Variants in SOX5 observed in about 807,000 individuals in gnomAD.
SOX5 encodes transcription factor SOX-5.
In SOX5, 9 loss-of-function variants were observed where a neutral mutation model predicts 92.0. The observed-to-expected ratio is 0.10, with a 90% CI of 0.06 to 0.17. The LOEUF (loss-of-function observed/expected upper bound fraction) is 0.17. SOX5 is among the 10% of genes least tolerant of loss of function. The pLI, the probability that SOX5 is intolerant of heterozygous loss-of-function variation, is 1.00. For synonymous variants in SOX5, 344 were observed against 336.3 expected (o/e 1.02, Z -0.25); for missense variants, 642 against 944.5 (o/e 0.68, Z 4.20).
At chr12:23,976,424 A>AC (rs1209017820) in intron 4 of SOX5, among the ~76,000 whole-genome samples, 4 of 147,904 alleles carry the variant, frequency 2.7e-5, no homozygotes, top group Non-Finnish European at 6.0e-5. Context: ...AAAAAAAAAA[A>AC]GAAGAGAAGG....
At chr12:24,236,232 AAT>A (rs940265206) in intron 3 of SOX5, among the ~76,000 whole-genome samples, 3 of 152,006 alleles carry the variant, frequency 2.0e-5, no homozygotes, top group African/African-American at 7.2e-5. Flanking sequence ...AATAAAATAA[AAT>A]AAAGAAGTAA....
At chr12:24,121,145 CATT>C (rs1265001468) in intron 4 of SOX5, among the ~76,000 whole-genome samples, 3 of 152,142 alleles carry the variant, frequency 2.0e-5, no homozygotes, top group Non-Finnish European at 2.9e-5. Context: ...TACGTTGTAA[CATT>C]ATTATTTTAT....
rs192941456 is a variant in SOX5 at position 24,488,378 on chromosome 12, C to T, written c.-251+73951G>A. On this transcript the variant is annotated intron_variant, in intron 1 of 4. Transcript: ENST00000446891. ...CCAAGGCAGGAGGATTGCTTGAGGCCGGGATTCAAGATCAGCCTGGGCAAC... is the reference window on the plus strand; with the variant it reads ...CCAAGGCAGGAGGATTGCTTGAGGCTGGGATTCAAGATCAGCCTGGGCAAC... Among the ~76,000 whole-genome samples, 1,059 of 152,060 alleles carry T rather than the reference C, an allele frequency of 7.0e-3. 44 individuals carry two copies. The highest frequency in any genetic ancestry group is 0.057 in the Admixed American group (865 of 15,266).
In SOX5 at chr12:24,016,536, GTAAT is replaced by G. The variant is rs749297923; in HGVS notation, c.-1-120516_-1-120513del. Among the ~76,000 whole-genome samples, 53 of 152,080 alleles carry G rather than the reference GTAAT, an allele frequency of 3.5e-4. 1 individual carries two copies. Among genetic ancestry groups the G allele is most frequent in the Non-Finnish European group, 1.6e-4 (11 of 68,010 alleles). Reference sequence around the variant, plus strand: ...CAAGACAACTAGATCCCCTCACAGAGTAATTAAAAGGTAACAAGTAGGACAGATT... The same window carrying G: ...CAAGACAACTAGATCCCCTCACAGAGTAAAAGGTAACAAGTAGGACAGATT... On this transcript the variant is annotated intron_variant, in intron 4 of 4. Coordinates refer to the SOX5 transcript ENST00000446891.
intron 4 of SOX5, among the ~76,000 whole-genome samples, chr12:24,186,558 A>C (rs7954547): frequency 0.19 from 28,652 of 152,008 alleles, 3,592 homozygotes; most frequent in African/African-American, 0.36. Context: ...AGAAAATAGA[A>C]AGCAAAACTA....
At chr12:24,449,604 C>T (rs201775125) in intron 1 of SOX5, among the ~76,000 whole-genome samples, 2 of 152,148 alleles carry the variant, frequency 1.3e-5, no homozygotes, top group East Asian at 3.8e-4. Flanking sequence ...ACAGCTGTAG[C>T]ATCAGACCCA....
intron 1 of SOX5, among the ~76,000 whole-genome samples, chr12:24,529,624 T>C (rs1196880863): frequency 6.6e-6 from 1 of 152,208 alleles, no homozygotes; most frequent in East Asian, 1.9e-4. Context: ...TCAGGAATCT[T>C]ACTGCAAGCT....
At chr12:24,380,475 GT>G (rs1365013015) in intron 1 of SOX5, among the ~76,000 whole-genome samples, 3 of 152,216 alleles carry the variant, frequency 2.0e-5, no homozygotes, top group Non-Finnish European at 2.9e-5. Flanking sequence ...AGGAGTTACT[GT>G]CAAAACATGG....
At chr12:23,905,518 C>T (rs1052134792) in intron 1 of SOX5, among the ~76,000 whole-genome samples, 7 of 152,122 alleles carry the variant, frequency 4.6e-5, no homozygotes, top group Non-Finnish European at 7.4e-5. Flanking sequence ...TGTTTCATTA[C>T]ATTATTTTGA....
At chr12:23,619,037 T>C (rs1473238121) in intron 8 of SOX5, among the ~76,000 whole-genome samples, 1 of 152,192 alleles carries the variant, frequency 6.6e-6, no homozygotes, top group African/African-American at 2.4e-5. Flanking sequence ...TTGCTATTAT[T>C]GTTGTTGTTT....
At chr12:24,221,371 G>A (rs775009611) in intron 3 of SOX5, among the ~76,000 whole-genome samples, 2 of 151,882 alleles carry the variant, frequency 1.3e-5, no homozygotes, top group African/African-American at 2.4e-5. Flanking sequence ...TTGTTCATTG[G>A]TTTACCTCCA....
At chr12:23,715,718 G>T (rs995077534) in intron 6 of SOX5, among the ~76,000 whole-genome samples, 5 of 140,770 alleles carry the variant, frequency 3.6e-5, no homozygotes, top group Non-Finnish European at 7.5e-5. Flanking sequence ...TTTAAAGCAT[G>T]AATTCCATAC....
chr12:23,977,413 T>TA (rs1949038244), intron 4 of SOX5, among the ~76,000 whole-genome samples: 1 of 152,196 alleles, frequency 6.6e-6, no homozygotes, highest in Non-Finnish European at 1.5e-5. Flanking sequence ...CTAACACCTG[T>TA]AACCCCAGCA....
At chr12:23,808,125 ATATAT>A in intron 3 of SOX5, among the ~76,000 whole-genome samples, 1 of 152,070 alleles carries the variant, frequency 6.6e-6, no homozygotes, top group East Asian at 1.9e-4. Context: ...ATATATATAT[ATATAT>A]ATTTTTATAT....
intron 7 of SOX5, among the ~76,000 whole-genome samples, chr12:23,654,884 TATAG>T (rs1201413351): frequency 2.4e-4 from 36 of 152,216 alleles, no homozygotes; most frequent in African/African-American, 7.7e-4. Context: ...TGTTTGACTA[TATAG>T]ATATTTTAAA....
At chr12:24,088,208 T>A (rs1203960299) in intron 4 of SOX5, among the ~76,000 whole-genome samples, 1 of 152,082 alleles carries the variant, frequency 6.6e-6, no homozygotes, top group Non-Finnish European at 1.5e-5. Flanking sequence ...ATATTACATA[T>A]TTTTCAGCAT....
At chr12:24,008,327 C>A (rs1346500438) in intron 4 of SOX5, among the ~76,000 whole-genome samples, 1 of 152,054 alleles carries the variant, frequency 6.6e-6, no homozygotes, top group Non-Finnish European at 1.5e-5. Flanking sequence ...CTACAATGGG[C>A]CTTGACAGAA....
At chr12:23,706,132 G>C (rs1017234202) in intron 6 of SOX5, among the ~76,000 whole-genome samples, 4 of 152,014 alleles carry the variant, frequency 2.6e-5, no homozygotes, top group Admixed American at 1.3e-4. Flanking sequence ...ATAATCCCTT[G>C]TGTAACTGTT....
At chr12:23,893,746 A>C (rs2097151611) in intron 2 of SOX5, among the ~76,000 whole-genome samples, 1 of 152,328 alleles carries the variant, frequency 6.6e-6, no homozygotes, top group East Asian at 1.9e-4. Flanking sequence ...GAGTGATGTA[A>C]TGCCAAATGG....
Sources: allele counts gnomAD v4.1 joint callset (sites outside exome capture counted in the v4.1 genomes callset), GRCh38; gene constraint gnomAD v4.1.1; transcripts MANE v1.5; gene names NCBI Gene and HGNC (gene_info 2026-07-23, HGNC 2026-07-21).